Variants in NAA16 observed in about 807,000 individuals in gnomAD.
The protein encoded by NAA16 is NARG1-like protein.
NAA16 carries 97 observed loss-of-function variants against 110.3 expected under a neutral mutation model. The ratio of observed to expected loss-of-function variants is 0.88; its 90% confidence interval spans 0.75 to 1.04. The LOEUF (loss-of-function observed/expected upper bound fraction) is 1.04, where lower values mean the gene tolerates loss of function less well. Ranked by LOEUF, NAA16 falls within the 50% of genes least tolerant of loss-of-function variation. NAA16 has a pLI of 0.00. For synonymous variants in NAA16, 372 were observed against 330.6 expected (o/e 1.13, Z -1.36); for missense variants, 1,017 against 1,005.1 (o/e 1.01, Z -0.16).
At chr13:41,324,957 G>GT (rs145690016) in intron 5 of NAA16, among the ~76,000 whole-genome samples, 99,553 of 119,374 alleles carry the variant, frequency 0.83, 41,920 homozygotes, top group Middle Eastern at 0.87. Context: ...TTTTAGTTTA[G>GT]TTTTTTTTTT....
chr13:41,323,581 C>T (rs572472687), intron 5 of NAA16, among the ~76,000 whole-genome samples: 39 of 151,032 alleles, frequency 2.6e-4, no homozygotes, highest in African/African-American at 7.8e-4. Flanking sequence ...CTCGATCTTC[C>T]GACCTCGTGA....
intron 10 of NAA16, among the ~76,000 whole-genome samples, chr13:41,356,242 A>T (rs1441431437): frequency 6.6e-6 from 1 of 151,962 alleles, no homozygotes; most frequent in Non-Finnish European, 1.5e-5. Context: ...GTCCAGGCTG[A>T]TCTTGAACTC....
intron 9 of NAA16, among the ~76,000 whole-genome samples, chr13:41,352,986 G>A (rs1320637853): frequency 1.3e-5 from 2 of 151,976 alleles, no homozygotes; most frequent in Admixed American, 6.6e-5. Flanking sequence ...GTGTGGTGGC[G>A]GGTGCCTGTA....
At chr13:41,332,126 G>A (rs563015687) in intron 8 of NAA16, among the ~76,000 whole-genome samples, 27 of 151,846 alleles carry the variant, frequency 1.8e-4, no homozygotes, top group African/African-American at 5.8e-4. Flanking sequence ...GTGCAGTGGC[G>A]CAATCACTGT....
Position 41,318,874 on chromosome 13 carries a change from C to G in NAA16, c.208C>G (p.Arg70Gly), listed in dbSNP as rs754736183. ...GKKEEAYEFVRKGLRNDVKSH... is the reference protein window; with the variant it reads ...GKKEEAYEFVGKGLRNDVKSH... ...AAAAGAAGAAGCTTATGAGTTTGTT[C>G]GTAAAGGACTTCGTAATGATGTCAA... is the stretch of plus-strand genomic sequence containing the variant. Residue 70 changes from arginine (R) to glycine (G), a missense_variant, in exon 3 of 20, where the codon CGT (arginine) becomes GGT (glycine). Coordinates refer to ENST00000379406, the MANE Select transcript of NAA16 (RefSeq NM_024561.5). 2 of 1,602,892 alleles carry G rather than the reference C, an allele frequency of 1.2e-6. No homozygotes were observed. Among genetic ancestry groups the G allele is most frequent in the Non-Finnish European group, 1.7e-6 (2 of 1,174,400 alleles).
chr13:41,325,477 C>T (rs1192712965), intron 5 of NAA16, among the ~76,000 whole-genome samples: 1 of 151,468 alleles, frequency 6.6e-6, no homozygotes, highest in Admixed American at 6.6e-5. Context: ...TGTAGGATTT[C>T]TTGACCTGTG....
At chr13:41,314,285 C>T (rs1409179563) in intron 1 of NAA16, among the ~76,000 whole-genome samples, 1 of 152,146 alleles carries the variant, frequency 6.6e-6, no homozygotes, top group Non-Finnish European at 1.5e-5. Flanking sequence ...TTATTATTTT[C>T]AGATAACCTG....
Position 41,328,683 on chromosome 13 carries a change from T to G in NAA16, c.692-41T>G, listed in dbSNP as rs372200706. The G allele has an allele frequency of 1.0e-5, 16 of 1,527,936 alleles. No individual in the cohort carries two copies. The African/African-American group carries it at 2.2e-4, about 21-fold the overall frequency. 94.6% of individuals were successfully genotyped at this position (1,527,936 alleles called of 1,614,324 possible). A position where few individuals can be genotyped will look rare whatever the true frequency, so the allele number is the denominator to read the frequency against. On this transcript the variant is annotated intron_variant, in intron 6 of 19. Transcript: ENST00000379406. ...TGAAGTCCCTGGGGTCAGATAGATATTTAATGTTTAAAATGAATATGTCTT... is the reference window on the plus strand; with the variant it reads ...TGAAGTCCCTGGGGTCAGATAGATAGTTAATGTTTAAAATGAATATGTCTT...
chr13:41,311,554 A>G lies in NAA16; in HGVS notation c.26A>G (p.Lys9Arg). 1.2e-6 allele frequency: 2 copies of G among 1,608,522 alleles called. No individual in the cohort carries two copies. The highest frequency in any genetic ancestry group is 8.5e-7 in the Non-Finnish European group (1 of 1,177,862). Residue 9 changes from lysine (K) to arginine (R), a missense_variant, in exon 1 of 20, where the codon AAG becomes AGG. Lys to Arg is a conservative substitution (Grantham distance 26). Transcript: ENST00000379406. ...ATGCCGAACGTGCTGCTGCCGCCCA[A>G]GGAGAGCAACCTCTTCAAACGCATC... is the stretch of plus-strand genomic sequence containing the variant. MPNVLLPP[K>R]ESNLFKRILK...
intron 10 of NAA16, among the ~76,000 whole-genome samples, chr13:41,355,774 C>T (rs972972637): frequency 6.6e-6 from 1 of 152,154 alleles, no homozygotes; most frequent in African/African-American, 2.4e-5. Context: ...GGTTGAATGG[C>T]TTGCCTAAGA....
chr13:41,367,571 G>A lies in NAA16; in HGVS notation c.1672G>A (p.Ala558Thr). 4 of 1,613,100 alleles carry A rather than the reference G, an allele frequency of 2.5e-6. No homozygotes were observed. In the South Asian group the frequency reaches 4.4e-5, roughly 18 times the overall value. Residue 558 changes from alanine (A) to threonine (T), a missense_variant, in exon 14 of 20, where the codon GCT becomes ACT. Physicochemically the swap from Ala to Thr is moderately conservative, Grantham distance 58. Coordinates refer to ENST00000379406, the MANE Select transcript of NAA16 (RefSeq NM_024561.5). ...LRRHAFYFKA[A>T]RSAIEIYLKL... ...AAGACATGCCTTTTATTTCAAGGCTGCTAGATCAGCGATTGAAATATACTT... is the reference window on the plus strand; with the variant it reads ...AAGACATGCCTTTTATTTCAAGGCTACTAGATCAGCGATTGAAATATACTT...
At chr13:41,352,628 C>T (rs1002569765) in intron 9 of NAA16, among the ~76,000 whole-genome samples, 1 of 152,066 alleles carries the variant, frequency 6.6e-6, no homozygotes, top group African/African-American at 2.4e-5. Context: ...GTACTCCAGC[C>T]TAGGCAACAG....
intron 17 of NAA16, chr13:41,373,418 C>G (rs112634911): frequency 3.4e-6 from 1 of 290,332 alleles, no homozygotes; most frequent in Non-Finnish European, 5.1e-6. Context: ...CCACCATGCC[C>G]GGCTAATTTT....
chr13:41,355,089 TA>T, intron 9 of NAA16, 54 bp from the exon 10 acceptor site: 1 of 1,123,946 alleles, frequency 8.9e-7, no homozygotes, highest in Non-Finnish European at 1.3e-6. Flanking sequence ...CCATAATAGG[TA>T]AAAATACCTT....
chr13:41,321,867 G>A (rs1358246470), intron 4 of NAA16, among the ~76,000 whole-genome samples: 3 of 152,062 alleles, frequency 2.0e-5, no homozygotes, highest in Admixed American at 1.3e-4. Flanking sequence ...TGCCATATAA[G>A]CCCTCATACC....
rs1441999717 is a variant in NAA16 at position 41,360,918 on chromosome 13, AAC to A, written c.1411-1109_1411-1108del. ...TGACCATTAACAAAATGGAAAATAT[AAC>A]ACAACCATAATGAAGACAGAAAATA... is the stretch of plus-strand genomic sequence containing the variant. On this transcript the variant is annotated intron_variant, in intron 12 of 19. Coordinates refer to ENST00000379406, the MANE Select transcript of NAA16 (RefSeq NM_024561.5). Among the ~76,000 whole-genome samples the A allele has an allele frequency of 3.9e-5, 6 of 152,324 alleles. No homozygotes were observed. In the South Asian group the frequency reaches 8.3e-4, roughly 21 times the overall value.
In NAA16 at chr13:41,336,150, T is replaced by G. The variant is rs1292977047; in HGVS notation, c.908-500T>G. 2.0e-5 allele frequency among the ~76,000 whole-genome samples: 3 copies of G among 151,630 alleles called. No individual in the cohort carries two copies. The East Asian group carries it at 5.8e-4, about 29-fold the overall frequency. ...ATTGTTGGTCTCACTCACTGAGATGTTAAGTTCTATTTAAAAAAAAATTTT... is the reference window on the plus strand; with the variant it reads ...ATTGTTGGTCTCACTCACTGAGATGGTAAGTTCTATTTAAAAAAAAATTTT... On this transcript the variant is annotated intron_variant, in intron 8 of 19. Coordinates refer to ENST00000379406, the MANE Select transcript of NAA16 (RefSeq NM_024561.5).
chr13:41,324,975 TGAGA>T (rs2042053090), intron 5 of NAA16, among the ~76,000 whole-genome samples: 1 of 148,284 alleles, frequency 6.7e-6, no homozygotes, highest in Admixed American at 6.7e-5. Flanking sequence ...TTTTTTTTTT[TGAGA>T]CTGAGTTTCA....
intron 5 of NAA16, among the ~76,000 whole-genome samples, chr13:41,325,400 C>T (rs1358749069): frequency 1.3e-5 from 2 of 151,888 alleles, no homozygotes; most frequent in Admixed American, 6.5e-5. Flanking sequence ...TTGGTAAACA[C>T]TTTTATTAAC....
Sources: allele counts gnomAD v4.1 joint callset (sites outside exome capture counted in the v4.1 genomes callset), GRCh38; gene constraint gnomAD v4.1.1; transcripts MANE v1.5; gene names NCBI Gene and HGNC (gene_info 2026-07-23, HGNC 2026-07-21).